TRAPPC9: variants seen among roughly 807,000 people sequenced by gnomAD.
TRAPPC9 encodes the protein IKK2 binding protein.
TRAPPC9 carries 83 observed loss-of-function variants against 124.0 expected under a neutral mutation model. The observed-to-expected ratio is 0.67, with a 90% confidence interval of 0.56 to 0.80. The LOEUF (loss-of-function observed/expected upper bound fraction) is 0.80, where lower values mean the gene tolerates loss of function less well. Among genes scored for constraint, TRAPPC9 ranks in the 30% least tolerant of loss-of-function variants. The pLI is 0.00. For missense variants in TRAPPC9, 1,302 were observed against 1,508.3 expected (o/e 0.86, Z 2.27); for synonymous variants, 638 against 617.5 (o/e 1.03, Z -0.49).
intron 21 of TRAPPC9, among the ~76,000 whole-genome samples, chr8:139,737,541 G>A (rs1003748880): frequency 2.2e-5 from 3 of 134,200 alleles, no homozygotes; most frequent in Non-Finnish European, 4.5e-5. Context: ...CTGTTCTCTG[G>A]GGCTGGCCCC....
chr8:140,165,952 G>A (rs766465632), intron 17 of TRAPPC9, among the ~76,000 whole-genome samples: 3 of 152,108 alleles, frequency 2.0e-5, no homozygotes, highest in Non-Finnish European at 1.5e-5. Context: ...TCTGCTAAGC[G>A]CCATGATCCT....
intron 19 of TRAPPC9, among the ~76,000 whole-genome samples, chr8:139,935,720 G>A (rs551603678): frequency 1.1e-3 from 150 of 138,246 alleles, no homozygotes; most frequent in Non-Finnish European, 1.6e-3. Context: ...CTTATTTGCC[G>A]TATGAACTCG....
intron 19 of TRAPPC9, among the ~76,000 whole-genome samples, chr8:139,919,428 T>G (rs1832367550): frequency 6.6e-6 from 1 of 152,196 alleles, no homozygotes; most frequent in Non-Finnish European, 1.5e-5. Flanking sequence ...CGGTGATGGT[T>G]GCACAACTCT....
chr8:140,269,553 A>AAAATAAATAAAT (rs61634673), intron 15 of TRAPPC9, among the ~76,000 whole-genome samples: 35 of 113,866 alleles, frequency 3.1e-4, no homozygotes, highest in Non-Finnish European at 5.3e-4. Context: ...AAAATAAAAT[A>AAAATAAATAAAT]AAATAAATAA....
chr8:140,291,785 T>C (rs2065668323), intron 11 of TRAPPC9, among the ~76,000 whole-genome samples: 2 of 152,242 alleles, frequency 1.3e-5, no homozygotes, highest in Non-Finnish European at 2.9e-5. Context: ...GACCATATCC[T>C]TGCCTAGAGG....
intron 21 of TRAPPC9, among the ~76,000 whole-genome samples, chr8:139,838,540 G>GC (rs1389779188): frequency 6.6e-6 from 1 of 152,186 alleles, no homozygotes; most frequent in Admixed American, 6.5e-5. Flanking sequence ...GCTGCTCGGA[G>GC]CCCCCCAAGG....
At chr8:140,280,150 C>G (rs1260375960) in intron 14 of TRAPPC9, among the ~76,000 whole-genome samples, 2 of 152,220 alleles carry the variant, frequency 1.3e-5, no homozygotes, top group Non-Finnish European at 2.9e-5. Flanking sequence ...TGCCACAGTT[C>G]TACGGACAGC....
chr8:140,128,988 CAT>C (rs111502084), intron 17 of TRAPPC9, among the ~76,000 whole-genome samples: 22 of 134,822 alleles, frequency 1.6e-4, no homozygotes, highest in African/African-American at 2.9e-4. Flanking sequence ...TATATATATA[CAT>C]ATATATATAT....
chr8:140,315,496 A>G (rs901662034), intron 9 of TRAPPC9, among the ~76,000 whole-genome samples: 2 of 152,140 alleles, frequency 1.3e-5, no homozygotes, highest in African/African-American at 4.8e-5. Context: ...TAAAATTTTG[A>G]AAAACAAATT....
intron 21 of TRAPPC9, among the ~76,000 whole-genome samples, chr8:139,821,340 C>T (rs988590329): frequency 2.0e-5 from 3 of 152,214 alleles, no homozygotes; most frequent in Admixed American, 6.5e-5. Flanking sequence ...CTGAGAAGGG[C>T]GAGGCCCAGG....
chr8:139,963,915 C>T (rs996336965), intron 19 of TRAPPC9, among the ~76,000 whole-genome samples: 1 of 152,064 alleles, frequency 6.6e-6, no homozygotes, highest in African/African-American at 2.4e-5. Context: ...TTGACTTATG[C>T]AACTATAAAA....
intron 21 of TRAPPC9, among the ~76,000 whole-genome samples, chr8:139,804,644 C>T (rs1054541721): frequency 3.0e-5 from 4 of 131,804 alleles, no homozygotes; most frequent in East Asian, 2.3e-4. Context: ...CAAGCACCAC[C>T]GCCACCACCC....
At position 140,311,305 on chromosome 8, in the gene TRAPPC9, G is replaced by A. The variant is rs1377438102; in HGVS notation, c.1565C>T (p.Ala522Val). ...SKCPGTMEPI[A>V]LPGGLTLPPV... Reference sequence around the variant, plus strand: ...TGGCAGGGTGAGGCCGCCAGGGAGGGCGATGGGCTCCATGGTCCCAGGACA... The same window carrying A: ...TGGCAGGGTGAGGCCGCCAGGGAGGACGATGGGCTCCATGGTCCCAGGACA... The change falls in exon 10 of 23, where the codon GCC (alanine) becomes GTC (valine). Residue 522 changes from alanine (A) to valine (V), a missense_variant. Physicochemically the swap from Ala to Val is moderately conservative, Grantham distance 64. Around this residue, in one of 3 missense-constraint regions of TRAPPC9, gnomAD observed 657 missense variants for 811.2 expected, o/e 0.81. Transcript: ENST00000438773. The A allele has an allele frequency of 1.9e-6, 3 of 1,613,714 alleles. No individual in the cohort carries two copies. The African/African-American group carries it at 4.0e-5, about 22-fold the overall frequency.
intron 21 of TRAPPC9, among the ~76,000 whole-genome samples, chr8:139,854,036 T>C (rs972210075): frequency 1.3e-5 from 2 of 152,308 alleles, no homozygotes; most frequent in African/African-American, 4.8e-5. Context: ...ATGGTCTCAC[T>C]GAAAGGGTCA....
At position 140,182,345 on chromosome 8, in the gene TRAPPC9, A is replaced by G. The variant is rs1006970185; in HGVS notation, c.2556+39114T>C. Among the ~76,000 whole-genome samples the G allele has an allele frequency of 6.6e-6, 1 of 151,238 alleles. No individual in the cohort carries two copies. The highest frequency in any genetic ancestry group is 1.5e-5 in the Non-Finnish European group (1 of 67,850). Reference sequence around the variant, plus strand: ...ATTTCAACTAAAAAAAAAAAAAAATACGGCTTGGGAATGTTGGCTTCCAAA... The same window carrying G: ...ATTTCAACTAAAAAAAAAAAAAAATGCGGCTTGGGAATGTTGGCTTCCAAA... On this transcript the variant is annotated intron_variant, in intron 17 of 22. Coordinates refer to ENST00000438773, the MANE Select transcript of TRAPPC9 (RefSeq NM_001160372.4). This position sits in a 1 kb window ranked among gnomAD's most constrained non-coding sequence, Gnocchi z 4.0.
intron 17 of TRAPPC9, among the ~76,000 whole-genome samples, chr8:140,154,418 G>C (rs760036056): frequency 6.6e-6 from 1 of 152,088 alleles, no homozygotes; most frequent in Non-Finnish European, 1.5e-5. Flanking sequence ...CCAGCAGCTG[G>C]GGTGCAAATC....
intron 9 of TRAPPC9, among the ~76,000 whole-genome samples, chr8:140,343,421 G>A (rs997201528): frequency 3.3e-5 from 5 of 152,210 alleles, no homozygotes; most frequent in African/African-American, 1.2e-4. Context: ...AAGTTTACAA[G>A]CCATGAGAAA....
At chr8:139,845,517 C>A (rs1827019761) in intron 21 of TRAPPC9, among the ~76,000 whole-genome samples, 3 of 152,230 alleles carry the variant, frequency 2.0e-5, no homozygotes, top group Admixed American at 2.0e-4. Context: ...GCTTCCCTTG[C>A]AATTGGGTAT....
intron 5 of TRAPPC9, among the ~76,000 whole-genome samples, chr8:140,425,120 A>G (rs2070374749): frequency 6.6e-6 from 1 of 152,214 alleles, no homozygotes; most frequent in East Asian, 1.9e-4. Flanking sequence ...GAAAGGACCA[A>G]CGCTTGAAAG....
Sources: allele counts gnomAD v4.1 joint callset (sites outside exome capture counted in the v4.1 genomes callset), GRCh38; gene constraint gnomAD v4.1.1; regional missense constraint gnomAD v4.1.1; non-coding constraint Gnocchi (gnomAD v3.1); transcripts MANE v1.5; gene names NCBI Gene and HGNC (gene_info 2026-07-23, HGNC 2026-07-21).